TTLL11: variants seen among roughly 807,000 people sequenced by gnomAD.
TTLL11 encodes the protein tubulin tyrosine ligase like 11.
TTLL11 carries 42 observed loss-of-function variants against 51.7 expected under a neutral mutation model. That is an observed-to-expected ratio of 0.81 (90% CI 0.64 to 1.05). The LOEUF (loss-of-function observed/expected upper bound fraction) is 1.05. TTLL11 is among the 50% of genes least tolerant of loss of function. TTLL11 has a pLI of 0.00. For synonymous variants in TTLL11, 381 were observed against 383.5 expected (o/e 0.99, Z 0.08); for missense variants, 799 against 940.4 (o/e 0.85, Z 1.97).
intron 6 of TTLL11, among the ~76,000 whole-genome samples, chr9:121,920,972 T>C (rs1337925065): frequency 6.6e-6 from 1 of 152,248 alleles, no homozygotes; most frequent in Non-Finnish European, 1.5e-5. Flanking sequence ...CTCATGCTTT[T>C]GAGTTATTTT....
chr9:121,951,496 T>G (rs2900199), intron 6 of TTLL11, among the ~76,000 whole-genome samples: 35,466 of 152,170 alleles, frequency 0.23, 4,558 homozygotes, highest in Non-Finnish European at 0.3. Context: ...GGGACACTTA[T>G]GTATTTGTCT....
chr9:122,078,080 C>A (rs73662585), intron 1 of TTLL11, among the ~76,000 whole-genome samples: 4,267 of 152,118 alleles, frequency 0.028, 201 homozygotes, highest in African/African-American at 0.098. Context: ...ATAGGTGTAG[C>A]TAAAGCAGTA....
chr9:121,918,732 G>A (rs1189643671), intron 6 of TTLL11, among the ~76,000 whole-genome samples: 2 of 152,162 alleles, frequency 1.3e-5, no homozygotes, highest in African/African-American at 4.8e-5. Context: ...ATCAATCACA[G>A]AATGTAGAAA....
Position 121,826,557 on chromosome 9 carries a change from G to GTATATATATATATATA in TTLL11, c.1841-3694_1841-3679dup, listed in dbSNP as rs1171227988. ...TGTGTGTATATATATATATGTGTGTGTATATATATATATATATATATATAT... is the reference window on the plus strand; with the variant it reads ...TGTGTGTATATATATATATGTGTGTGTATATATATATATATATATATATATATATATATATATATAT... On this transcript the variant is annotated intron_variant, in intron 8 of 8. Transcript: ENST00000321582. 3.1e-4 allele frequency among the ~76,000 whole-genome samples: 16 copies of GTATATATATATATATA among 51,340 alleles called. 2 individuals are homozygous for GTATATATATATATATA. The highest frequency in any genetic ancestry group is 1.1e-3 in the African/African-American group (15 of 14,196). 33.7% of individuals were successfully genotyped at this position (51,340 alleles called of 152,430 possible).
intron 4 of TTLL11, among the ~76,000 whole-genome samples, chr9:121,983,275 G>A (rs1459174453): frequency 1.3e-5 from 2 of 152,178 alleles, no homozygotes; most frequent in African/African-American, 4.8e-5. Flanking sequence ...GAGTAGGTTT[G>A]GGAAGGAAGT....
intron 8 of TTLL11, among the ~76,000 whole-genome samples, chr9:121,857,775 G>A (rs893039882): frequency 2.6e-5 from 4 of 152,116 alleles, no homozygotes; most frequent in African/African-American, 7.2e-5. Context: ...GACAGCCCCC[G>A]TGGATTCCGC....
At chr9:121,942,196 CA>C (rs1257229335) in intron 6 of TTLL11, among the ~76,000 whole-genome samples, 2 of 152,212 alleles carry the variant, frequency 1.3e-5, no homozygotes, top group Non-Finnish European at 2.9e-5. Context: ...TGGTGAACTT[CA>C]AATGCACCAG....
intron 8 of TTLL11, among the ~76,000 whole-genome samples, chr9:121,859,148 G>C (rs1588075329): frequency 6.6e-6 from 1 of 152,064 alleles, no homozygotes; most frequent in Non-Finnish European, 1.5e-5. Context: ...TTGAAGTTTT[G>C]TGATGAGCTG....
chr9:121,872,740 C>T (rs1490560180), intron 6 of TTLL11, among the ~76,000 whole-genome samples: 1 of 152,134 alleles, frequency 6.6e-6, no homozygotes, highest in Non-Finnish European at 1.5e-5. Context: ...CAAGGACAGG[C>T]AGAGGGCAGA....
intron 3 of TTLL11, among the ~76,000 whole-genome samples, chr9:122,011,458 T>C (rs1007577735): frequency 5.3e-5 from 8 of 152,232 alleles, no homozygotes; most frequent in Admixed American, 4.6e-4. Context: ...GTATGCCCCA[T>C]AACTAGTGTG....
intron 1 of TTLL11, among the ~76,000 whole-genome samples, chr9:122,057,827 C>T (rs1845332240): frequency 6.6e-6 from 1 of 152,186 alleles, no homozygotes; most frequent in Non-Finnish European, 1.5e-5. Context: ...CCCACCTCCA[C>T]CCTCCTACAG....
At chr9:121,870,450 C>T (rs749964936) in intron 7 of TTLL11, 47 bp downstream of exon 7, 1 of 1,526,050 alleles carries the variant, frequency 6.6e-7, no homozygotes, top group Non-Finnish European at 8.8e-7. Flanking sequence ...TGAGACTGGA[C>T]TCCACCCAGC....
At position 122,015,112 on chromosome 9, in the gene TTLL11, T is replaced by A. The variant is rs146676939; in HGVS notation, c.693+16611A>T. Among the ~76,000 whole-genome samples the A allele has an allele frequency of 1.8e-3, 274 of 152,260 alleles. 2 individuals carry two copies. Among genetic ancestry groups the A allele is most frequent in the African/African-American group, 6.3e-3 (262 of 41,558 alleles). ...GTGAAGATAAAAGAGGTCATGTATA[T>A]AAAAATCATTTGGTAAACTGCAAGC... is the stretch of plus-strand genomic sequence containing the variant. On this transcript the variant is annotated intron_variant, in intron 3 of 8. Transcript: ENST00000321582.
chr9:121,926,063 T>C (rs1840718208), intron 6 of TTLL11, among the ~76,000 whole-genome samples: 1 of 152,258 alleles, frequency 6.6e-6, no homozygotes, highest in Non-Finnish European at 1.5e-5. Context: ...TCGCAGGTTA[T>C]TGAGTCTCTC....
intron 6 of TTLL11, among the ~76,000 whole-genome samples, chr9:121,968,195 G>A (rs918202398): frequency 2.0e-5 from 3 of 152,058 alleles, no homozygotes; most frequent in Admixed American, 1.3e-4. Context: ...TTCCTGCTTC[G>A]CATGTCCCTA....
chr9:122,047,049 T>C (rs1845026874), intron 1 of TTLL11, among the ~76,000 whole-genome samples: 1 of 151,904 alleles, frequency 6.6e-6, no homozygotes, highest in South Asian at 2.1e-4. Flanking sequence ...TAAACCATGG[T>C]AGGGGCTGTG....
chr9:121,926,234 G>A (rs1292121548), intron 6 of TTLL11, among the ~76,000 whole-genome samples: 1 of 152,174 alleles, frequency 6.6e-6, no homozygotes, highest in East Asian at 1.9e-4. Context: ...AACTGGCCCT[G>A]GGGGACCCTG....
intron 7 of TTLL11, among the ~76,000 whole-genome samples, 160 bp from the exon 8 acceptor site, chr9:121,860,603 A>G (rs999245218): frequency 6.6e-6 from 1 of 152,204 alleles, no homozygotes; most frequent in African/African-American, 2.4e-5. Flanking sequence ...GGCCTCTGAC[A>G]GGTGATTAGG....
intron 3 of TTLL11, among the ~76,000 whole-genome samples, chr9:121,997,452 C>T (rs557509927): frequency 6.6e-6 from 1 of 152,236 alleles, no homozygotes; most frequent in South Asian, 2.1e-4. Flanking sequence ...GCTTGCTTGG[C>T]CTAAAGCCTA....
Sources: gnomAD v4.1 joint callset for allele counts (sites outside exome capture counted in the v4.1 genomes callset) on GRCh38, gnomAD v4.1.1 for gene constraint, MANE v1.5 for transcripts, NCBI Gene and HGNC (gene_info 2026-07-23, HGNC 2026-07-21) for gene names.